The following UBE2G1 variants were observed in gnomAD, a reference collection of about 807,000 sequenced individuals.
The protein encoded by UBE2G1 is ubiquitin conjugating enzyme E2 G1.
In UBE2G1, 5 loss-of-function variants were observed where a neutral mutation model predicts 22.7. That is an observed-to-expected ratio of 0.22 (90% CI 0.12 to 0.46). UBE2G1 has a LOEUF of 0.46. UBE2G1 is among the 20% of genes least tolerant of loss of function. The pLI is 0.99. For synonymous variants in UBE2G1, 74 were observed against 67.5 expected, an observed-to-expected ratio of 1.10 and a Z score of -0.47; for missense variants, 88 against 203.9, an observed-to-expected ratio of 0.43 and a Z score of 3.46.
chr17:4,329,752 A>C (rs1969548534), intron 1 of UBE2G1, among the ~76,000 whole-genome samples: 2 of 151,912 alleles, frequency 1.3e-5, no homozygotes, highest in South Asian at 4.2e-4. Context: ...TTCATAAACC[A>C]TCTCTCTCTT....
At chr17:4,313,978 G>T (rs1969339976) in intron 1 of UBE2G1, among the ~76,000 whole-genome samples, 1 of 152,072 alleles carries the variant, frequency 6.6e-6, no homozygotes, top group African/African-American at 2.4e-5. Context: ...CTAAGATAGA[G>T]TCATTACCAA....
chr17:4,330,356 C>A (rs1168928321), intron 1 of UBE2G1, among the ~76,000 whole-genome samples: 1 of 152,110 alleles, frequency 6.6e-6, no homozygotes, highest in African/African-American at 2.4e-5. Flanking sequence ...TTTGCATACT[C>A]TTATTTGATT....
intron 1 of UBE2G1, among the ~76,000 whole-genome samples, chr17:4,327,775 C>G (rs1481083993): frequency 6.6e-6 from 1 of 152,138 alleles, no homozygotes; most frequent in Non-Finnish European, 1.5e-5. Flanking sequence ...TCTGAATCAC[C>G]CTCAAGCCTT....
intron 5 of UBE2G1, among the ~76,000 whole-genome samples, chr17:4,274,448 C>T (rs1968798681): frequency 1.3e-5 from 2 of 152,108 alleles, no homozygotes; most frequent in South Asian, 2.1e-4. Flanking sequence ...CTGCCTACCT[C>T]GGCCTCCCAA....
intron 1 of UBE2G1, among the ~76,000 whole-genome samples, chr17:4,321,932 T>C (rs746957594): frequency 2.6e-5 from 4 of 152,220 alleles, no homozygotes; most frequent in African/African-American, 4.8e-5. Flanking sequence ...ATTTGAAAAT[T>C]AGCAACATAA....
At chr17:4,357,936 T>C (rs1969926035) in intron 1 of UBE2G1, among the ~76,000 whole-genome samples, 1 of 151,956 alleles carries the variant, frequency 6.6e-6, no homozygotes, top group Non-Finnish European at 1.5e-5. Context: ...CCCATCTCTA[T>C]TTTTATAAAA....
intron 4 of UBE2G1, among the ~76,000 whole-genome samples, chr17:4,285,224 A>T (rs1184908812): frequency 6.6e-6 from 1 of 152,162 alleles, no homozygotes; most frequent in Non-Finnish European, 1.5e-5. Flanking sequence ...AATCAAAAAG[A>T]GTTCACACAA....
In UBE2G1 at chr17:4,282,833, T is replaced by C; in HGVS notation, c.*2A>G. On this transcript the variant is annotated 3_prime_UTR_variant, in exon 5 of 6. Coordinates refer to ENST00000396981, the MANE Select transcript of UBE2G1 (RefSeq NM_003342.5). ...GTGAAGTTACTAGCTGCTAAATAAA[T>C]GTCACTCAAAAGCAGTCTCTTGGCT... is the stretch of plus-strand genomic sequence containing the variant. 6.2e-7 allele frequency: 1 copy of C among 1,609,196 alleles called. No homozygotes were observed. Among genetic ancestry groups the C allele is most frequent in the Non-Finnish European group, 8.5e-7 (1 of 1,178,130 alleles).
intron 1 of UBE2G1, among the ~76,000 whole-genome samples, chr17:4,322,350 C>T (rs1969450247): frequency 6.6e-6 from 1 of 152,222 alleles, no homozygotes; most frequent in Non-Finnish European, 1.5e-5. Flanking sequence ...TCTGCTGACA[C>T]TAACTCACCC....
rs1444177111 is a variant in UBE2G1 at position 4,284,834 on chromosome 17, CTTTCTTTT to C, written c.427-1921_427-1914del. Among the ~76,000 whole-genome samples the C allele has an allele frequency of 4.0e-3, 335 of 83,472 alleles. 17 individuals are homozygous for C. Among genetic ancestry groups the C allele is most frequent in the South Asian group, 0.035 (77 of 2,210 alleles). 54.8% of individuals were successfully genotyped at this position (83,472 alleles called of 152,430 possible). A position where few individuals can be genotyped will look rare whatever the true frequency, so the allele number is the denominator to read the frequency against. Reference sequence around the variant, plus strand: ...TTTTCTTTTTCTTTTCTTTTCTTTTCTTTCTTTTTTTTTTTTTTTTTTTTTTTGGAGAT... The same window carrying C: ...TTTTCTTTTTCTTTTCTTTTCTTTTCTTTTTTTTTTTTTTTTTTTGGAGAT... On this transcript the variant is annotated intron_variant, in intron 4 of 5. Coordinates refer to ENST00000396981, the MANE Select transcript of UBE2G1 (RefSeq NM_003342.5).
chr17:4,316,298 A>G (rs1598191635), intron 1 of UBE2G1, among the ~76,000 whole-genome samples: 1 of 151,186 alleles, frequency 6.6e-6, no homozygotes, highest in Non-Finnish European at 1.5e-5. Flanking sequence ...AACTATTTTT[A>G]CTGCAGCTTC....
At chr17:4,293,167 C>CTT (rs1969064058) in intron 3 of UBE2G1, among the ~76,000 whole-genome samples, 1 of 152,122 alleles carries the variant, frequency 6.6e-6, no homozygotes, top group African/African-American at 2.4e-5. Flanking sequence ...CAGTAGGGAA[C>CTT]CACTAACCTA....
At chr17:4,313,898 C>T (rs940894812) in intron 1 of UBE2G1, among the ~76,000 whole-genome samples, 1 of 152,066 alleles carries the variant, frequency 6.6e-6, no homozygotes, top group African/African-American at 2.4e-5. Context: ...AACCCAGGGA[C>T]AAGGTAGTGT....
intron 3 of UBE2G1, among the ~76,000 whole-genome samples, chr17:4,294,929 C>T (rs1969091177): frequency 1.4e-5 from 2 of 144,222 alleles, no homozygotes; most frequent in Non-Finnish European, 3.0e-5. Flanking sequence ...ATGGGAGAAA[C>T]GTACGTGAGG....
intron 1 of UBE2G1, among the ~76,000 whole-genome samples, chr17:4,309,950 C>T (rs11868498): frequency 0.34 from 51,716 of 152,052 alleles, 8,972 homozygotes; most frequent in Middle Eastern, 0.39. Context: ...TCTTTCCATG[C>T]ATTTCTTCTA....
chr17:4,272,539 A>T (rs1210182281), intron 5 of UBE2G1, 23 bp from the exon 6 acceptor site: 1 of 186,664 alleles, frequency 5.4e-6, no homozygotes, highest in Non-Finnish European at 1.1e-5. Flanking sequence ...AAACAACATT[A>T]TATAGTCAAT....
At chr17:4,321,517 G>T (rs879727590) in intron 1 of UBE2G1, among the ~76,000 whole-genome samples, 7 of 152,026 alleles carry the variant, frequency 4.6e-5, no homozygotes, top group African/African-American at 1.7e-4. Flanking sequence ...TTTGGAGACA[G>T]AGTTTCACTC....
rs1285977910 is a variant in UBE2G1 at position 4,271,765 on chromosome 17, T to C, written c.*789A>G. 2 of 150,210 alleles carry C rather than the reference T, an allele frequency of 1.3e-5. No homozygotes were observed. Among genetic ancestry groups the C allele is most frequent in the Admixed American group, 1.3e-4 (2 of 14,880 alleles). The allele number at this position is 150,210 out of a possible 1,614,324, so 9.3% of individuals were successfully genotyped here. A position where few individuals can be genotyped will look rare whatever the true frequency, so the allele number is the denominator to read the frequency against. On this transcript the variant is annotated 3_prime_UTR_variant, in exon 6 of 6. Transcript: ENST00000396981. ...AGTAAGTTGAATTAAGAACCATCTA[T>C]TTTTAGTTCTCAGGGGTAATGACTG...
At chr17:4,340,047 T>G (rs1372766737) in intron 1 of UBE2G1, among the ~76,000 whole-genome samples, 1 of 152,168 alleles carries the variant, frequency 6.6e-6, no homozygotes, top group African/African-American at 2.4e-5. Flanking sequence ...TCCTCTCACC[T>G]CAGCTTCCTG....
Sources: gnomAD v4.1 joint callset for allele counts (sites outside exome capture counted in the v4.1 genomes callset) on GRCh38, gnomAD v4.1.1 for gene constraint, MANE v1.5 for transcripts, NCBI Gene and HGNC (gene_info 2026-07-23, HGNC 2026-07-21) for gene names.